Variants in CEP70 observed in about 807,000 individuals in gnomAD.
CEP70 encodes centrosomal protein 70, also known as centrosomal protein of 70 kDa.
A neutral mutation model predicts 90.9 loss-of-function variants in CEP70; 70 were observed. The ratio of observed to expected loss-of-function variants is 0.77; its 90% confidence interval spans 0.64 to 0.94. CEP70 has a LOEUF of 0.94. CEP70 is among the 40% of genes least tolerant of loss of function. The probability of loss-of-function intolerance (pLI) is 0.00; values close to 1 mark genes in which losing one functional copy is unlikely to be tolerated. For missense variants in CEP70, 648 were observed against 669.0 expected, an observed-to-expected ratio of 0.97 and a Z score of 0.35; for synonymous variants, 220 against 228.3, an observed-to-expected ratio of 0.96 and a Z score of 0.33.
intron 6 of CEP70, among the ~76,000 whole-genome samples, chr3:138,543,864 A>T (rs1267745515): frequency 6.6e-6 from 1 of 152,232 alleles, no homozygotes; most frequent in Non-Finnish European, 1.5e-5. Context: ...CAACTTGTTA[A>T]GGTATAGATA....
At chr3:138,534,675 C>A (rs1417892852) in intron 7 of CEP70, among the ~76,000 whole-genome samples, 1 of 152,174 alleles carries the variant, frequency 6.6e-6, no homozygotes, top group Non-Finnish European at 1.5e-5. Flanking sequence ...AACACAATTC[C>A]TCTTCTGCCT....
At chr3:138,585,135 T>C (rs2042049232) in intron 2 of CEP70, among the ~76,000 whole-genome samples, 1 of 152,114 alleles carries the variant, frequency 6.6e-6, no homozygotes, top group African/African-American at 2.4e-5. Context: ...GATCTTATAT[T>C]TGGAAAAACC....
intron 17 of CEP70, chr3:138,497,709 TC>T: frequency 3.0e-6 from 3 of 985,356 alleles, no homozygotes; most frequent in Non-Finnish European, 3.6e-6. Flanking sequence ...GGAAGGACCT[TC>T]TAAGATCATA....
chr3:138,585,759 T>G (rs1232104892), intron 2 of CEP70, among the ~76,000 whole-genome samples: 2 of 152,160 alleles, frequency 1.3e-5, no homozygotes, highest in African/African-American at 4.8e-5. Flanking sequence ...AACTCATTAT[T>G]GACAAAGGTG....
intron 2 of CEP70, among the ~76,000 whole-genome samples, chr3:138,589,302 T>C (rs2042257126): frequency 6.6e-6 from 1 of 152,120 alleles, no homozygotes; most frequent in African/African-American, 2.4e-5. Context: ...CTGAGAATAC[T>C]GACCCAAAAC....
intron 6 of CEP70, among the ~76,000 whole-genome samples, chr3:138,563,090 A>C (rs1258477790): frequency 6.6e-6 from 1 of 152,186 alleles, no homozygotes; most frequent in Admixed American, 6.5e-5. Flanking sequence ...AAACCAACAA[A>C]GATCAAAAGA....
At chr3:138,534,311 T>A (rs746295692) in intron 7 of CEP70, among the ~76,000 whole-genome samples, 1 of 152,166 alleles carries the variant, frequency 6.6e-6, no homozygotes, top group Admixed American at 6.5e-5. Flanking sequence ...CCTTCCCCAA[T>A]TACTCTTTTT....
intron 13 of CEP70, among the ~76,000 whole-genome samples, chr3:138,502,984 C>T (rs1470056120): frequency 1.3e-5 from 2 of 152,158 alleles, no homozygotes; most frequent in East Asian, 1.9e-4. Context: ...AGGCAGCTGG[C>T]TCCATGTCTT....
intron 8 of CEP70, chr3:138,530,782 CCTA>C (rs1304872365): frequency 4.1e-6 from 4 of 985,078 alleles, no homozygotes; most frequent in Admixed American, 6.2e-5. Context: ...TTACAGTACT[CCTA>C]CTTCTTTAGA....
intron 2 of CEP70, among the ~76,000 whole-genome samples, chr3:138,585,651 T>G (rs539258112): frequency 6.6e-6 from 1 of 152,246 alleles, no homozygotes; most frequent in East Asian, 1.9e-4. Context: ...ATTGCAGAGC[T>G]ATATTAACTA....
chr3:138,524,646 A>G (rs1225422481), intron 11 of CEP70, among the ~76,000 whole-genome samples: 2 of 152,254 alleles, frequency 1.3e-5, no homozygotes, highest in Non-Finnish European at 2.9e-5. Context: ...TTATGCAGCC[A>G]AAAGACACGT....
intron 6 of CEP70, among the ~76,000 whole-genome samples, chr3:138,541,753 G>A (rs2038784811): frequency 6.6e-6 from 1 of 152,228 alleles, no homozygotes; most frequent in Non-Finnish European, 1.5e-5. Flanking sequence ...TAGGCACAGT[G>A]GCTCATGCCT....
intron 6 of CEP70, among the ~76,000 whole-genome samples, chr3:138,544,551 G>A (rs1009752318): frequency 2.0e-5 from 3 of 151,390 alleles, no homozygotes; most frequent in East Asian, 1.9e-4. Flanking sequence ...GTGTGTGTGT[G>A]TATATATATA....
intron 6 of CEP70, among the ~76,000 whole-genome samples, chr3:138,553,054 G>A (rs1222969309): frequency 6.6e-6 from 1 of 152,000 alleles, no homozygotes; most frequent in African/African-American, 2.4e-5. Context: ...AAACTTTTAC[G>A]CACATAAACT....
chr3:138,587,414 CT>C (rs1335556223), intron 2 of CEP70, among the ~76,000 whole-genome samples: 2 of 151,892 alleles, frequency 1.3e-5, no homozygotes, highest in African/African-American at 4.8e-5. Context: ...ATTAAAAAAA[CT>C]ATAATTCAGG....
intron 2 of CEP70, among the ~76,000 whole-genome samples, chr3:138,590,648 A>T: frequency 6.9e-6 from 1 of 145,230 alleles, no homozygotes; most frequent in Admixed American, 6.9e-5. Context: ...AAAAATACTA[A>T]AAAAAAAAAA....
chr3:138,514,412 A>T (rs574091836), intron 11 of CEP70, among the ~76,000 whole-genome samples: 17 of 152,302 alleles, frequency 1.1e-4, no homozygotes, highest in African/African-American at 4.1e-4. Flanking sequence ...AATGTGCATC[A>T]CAATCTGATT....
chr3:138,571,009 A>T, intron 5 of CEP70, 25 bp downstream of exon 5: 8 of 1,519,252 alleles, frequency 5.3e-6, no homozygotes, highest in Non-Finnish European at 4.4e-6. Flanking sequence ...AAACAATTCA[A>T]AAGAAATCTT....
At chr3:138,510,394 C>T (rs2035417085) in intron 11 of CEP70, among the ~76,000 whole-genome samples, 2 of 151,752 alleles carry the variant, frequency 1.3e-5, no homozygotes, top group Non-Finnish European at 2.9e-5. Flanking sequence ...GATCGTGCCA[C>T]TGCACTCTAG....
Sources: allele counts gnomAD v4.1 joint callset (sites outside exome capture counted in the v4.1 genomes callset), GRCh38; gene constraint gnomAD v4.1.1; transcripts MANE v1.5; gene names NCBI Gene and HGNC (gene_info 2026-07-23, HGNC 2026-07-21).